The following TMEM132C variants were observed in gnomAD, a reference collection of about 807,000 sequenced individuals.
TMEM132C encodes the protein transmembrane protein 132C, also known as protein phosphatase 1, regulatory subunit 152.
TMEM132C carries 29 observed loss-of-function variants against 61.4 expected under a neutral mutation model. The observed-to-expected ratio is 0.47, with a 90% CI of 0.35 to 0.64. The LOEUF is 0.64. Ranked by LOEUF, TMEM132C falls within the 30% of genes least tolerant of loss-of-function variation. The pLI is 0.00. For missense variants in TMEM132C, 1,408 were observed against 1,476.9 expected (o/e 0.95, Z 0.76); for synonymous variants, 656 against 633.1 (o/e 1.04, Z -0.54).
chr12:128,662,504 C>T (rs191795614), intron 4 of TMEM132C, among the ~76,000 whole-genome samples: 5 of 152,300 alleles, frequency 3.3e-5, no homozygotes, highest in Non-Finnish European at 4.4e-5. Flanking sequence ...GGTCCTTGCT[C>T]TTGACCTGCC....
At chr12:128,453,279 C>T (rs927094748) in intron 2 of TMEM132C, among the ~76,000 whole-genome samples, 2 of 152,188 alleles carry the variant, frequency 1.3e-5, no homozygotes, top group African/African-American at 4.8e-5. Flanking sequence ...GCAGTCTTGT[C>T]TCTGCTCCAT....
chr12:128,353,903 T>A (rs1222096560), intron 1 of TMEM132C, among the ~76,000 whole-genome samples: 1 of 152,160 alleles, frequency 6.6e-6, no homozygotes, highest in Non-Finnish European at 1.5e-5. Flanking sequence ...TTGCTGTTGT[T>A]TTCCATTTGT....
chr12:128,297,679 G>A (rs1871455590), intron 1 of TMEM132C, among the ~76,000 whole-genome samples: 1 of 151,992 alleles, frequency 6.6e-6, no homozygotes, highest in Admixed American at 6.6e-5. Context: ...TCTCCTGGTG[G>A]GCACAGTTCT....
intron 3 of TMEM132C, among the ~76,000 whole-genome samples, chr12:128,547,533 C>T (rs1873998408): frequency 6.8e-6 from 1 of 146,088 alleles, no homozygotes; most frequent in Admixed American, 6.9e-5. Flanking sequence ...CACCATACTC[C>T]AGCCTGGGCG....
At chr12:128,511,603 C>T (rs752418212) in intron 2 of TMEM132C, among the ~76,000 whole-genome samples, 7 of 152,214 alleles carry the variant, frequency 4.6e-5, no homozygotes, top group Non-Finnish European at 1.0e-4. Context: ...TGTCACTTTC[C>T]TGGCCTTGTA....
chr12:128,485,049 GC>G (rs1871440207), intron 2 of TMEM132C, among the ~76,000 whole-genome samples: 1 of 152,058 alleles, frequency 6.6e-6, no homozygotes, highest in Non-Finnish European at 1.5e-5. Flanking sequence ...AGAGGTGAGC[GC>G]CCCAAGAAAC....
intron 1 of TMEM132C, among the ~76,000 whole-genome samples, chr12:128,386,435 T>G (rs1000427183): frequency 2.0e-5 from 3 of 152,194 alleles, no homozygotes; most frequent in Non-Finnish European, 4.4e-5. Flanking sequence ...TCCCTCCACA[T>G]TTTCCCTTTC....
chr12:128,431,550 C>CTCTT (rs1555224186), intron 2 of TMEM132C, among the ~76,000 whole-genome samples: 1 of 98,906 alleles, frequency 1.0e-5, no homozygotes, highest in Non-Finnish European at 1.9e-5. Flanking sequence ...CCATCTAGGA[C>CTCTT]TTTTTTTTTT....
At position 128,600,044 on chromosome 12, in the gene TMEM132C, G is replaced by C. The variant is rs188522944; in HGVS notation, c.1122-16108G>C. On this transcript the variant is annotated intron_variant, in intron 3 of 8. Coordinates refer to ENST00000435159, the MANE Select transcript of TMEM132C (RefSeq NM_001136103.3). ...GTCACCCAGGCTGGAGTGCAGTGGCGCGATCTCGGCTCACTGCAAGCTCCG... is the reference window on the plus strand; with the variant it reads ...GTCACCCAGGCTGGAGTGCAGTGGCCCGATCTCGGCTCACTGCAAGCTCCG... Among the ~76,000 whole-genome samples the C allele has an allele frequency of 5.1e-3, 769 of 152,132 alleles. 5 individuals are homozygous for C. The highest frequency in any genetic ancestry group is 0.018 in the African/African-American group (729 of 41,514).
intron 4 of TMEM132C, among the ~76,000 whole-genome samples, chr12:128,667,226 T>G (rs1055934330): frequency 2.0e-5 from 3 of 152,176 alleles, no homozygotes. Context: ...TGTGTGCGCA[T>G]GTGTGCGTGT....
At chr12:128,523,311 A>G (rs1872971520) in intron 2 of TMEM132C, among the ~76,000 whole-genome samples, 1 of 152,180 alleles carries the variant, frequency 6.6e-6, no homozygotes, top group Admixed American at 6.5e-5. Context: ...TCATTTTGAG[A>G]AGAAGAAAAG....
At chr12:128,347,289 G>A (rs544600523) in intron 1 of TMEM132C, among the ~76,000 whole-genome samples, 1 of 152,220 alleles carries the variant, frequency 6.6e-6, no homozygotes, top group South Asian at 2.1e-4. Flanking sequence ...GTATTCCATG[G>A]TGTGTATATA....
chr12:128,507,525 C>G (rs1872416237), intron 2 of TMEM132C, among the ~76,000 whole-genome samples: 1 of 150,420 alleles, frequency 6.6e-6, no homozygotes, highest in Non-Finnish European at 1.5e-5. Context: ...CTTGCATTGC[C>G]TTGTAGGAAA....
intron 2 of TMEM132C, among the ~76,000 whole-genome samples, chr12:128,425,045 T>TA (rs1869131467): frequency 6.6e-6 from 1 of 152,192 alleles, no homozygotes; most frequent in African/African-American, 2.4e-5. Flanking sequence ...TCTGCGCCTA[T>TA]ATGGCTGGCC....
chr12:128,400,521 T>C (rs1212381154), intron 1 of TMEM132C, among the ~76,000 whole-genome samples: 3 of 151,898 alleles, frequency 2.0e-5, no homozygotes, highest in Non-Finnish European at 4.4e-5. Flanking sequence ...TTCTGCACAG[T>C]GTAGGATGTT....
intron 1 of TMEM132C, 83 bp downstream of exon 1, chr12:128,267,570 C>T (rs1358727643): frequency 5.5e-6 from 6 of 1,088,780 alleles, no homozygotes; most frequent in African/African-American, 1.7e-5. Context: ...GCAGCCGAAG[C>T]GAGGGGTGCG....
intron 3 of TMEM132C, among the ~76,000 whole-genome samples, chr12:128,561,956 G>C (rs749876330): frequency 5.3e-5 from 8 of 152,274 alleles, no homozygotes; most frequent in Middle Eastern, 3.4e-3. Flanking sequence ...GAGCGAGGGA[G>C]GGCAGTGGGG....
At chr12:128,316,080 A>C (rs1375324272) in intron 1 of TMEM132C, among the ~76,000 whole-genome samples, 1 of 151,914 alleles carries the variant, frequency 6.6e-6, no homozygotes, top group Non-Finnish European at 1.5e-5. Flanking sequence ...GCATTTAGAG[A>C]ATCAAATAAA....
At position 128,705,865 on chromosome 12, in the gene TMEM132C, C is replaced by T. The variant is rs1035398651; in HGVS notation, c.2897C>T (p.Thr966Ile). The change falls in exon 9 of 9, where the codon ACC (threonine) becomes ATC (isoleucine). Residue 966 changes from threonine (T) to isoleucine (I), a missense_variant. Physicochemically the swap from Thr to Ile is moderately conservative, Grantham distance 89 (BLOSUM62 -1). Transcript: ENST00000435159. ...CCCCTGGAAGGTCAGGCCTCCATGACCCACTCTCACGACTGGGTGTGGCTT... is the reference window on the plus strand; with the variant it reads ...CCCCTGGAAGGTCAGGCCTCCATGATCCACTCTCACGACTGGGTGTGGCTT... ...QVPLEGQASM[T>I]HSHDWVWLGN... 15 of 1,551,528 alleles carry T rather than the reference C, an allele frequency of 9.7e-6. No individual in the cohort carries two copies. Among genetic ancestry groups the T allele is most frequent in the Admixed American group, 2.0e-5 (1 of 50,984 alleles).
Sources: gnomAD v4.1 joint callset for allele counts (sites outside exome capture counted in the v4.1 genomes callset) on GRCh38, gnomAD v4.1.1 for gene constraint, MANE v1.5 for transcripts, NCBI Gene and HGNC (gene_info 2026-07-23, HGNC 2026-07-21) for gene names.